MARCHF10: variants seen among roughly 807,000 people sequenced by gnomAD.
MARCHF10 encodes membrane associated ring-CH-type finger 10.
In MARCHF10, 64 loss-of-function variants were observed where a neutral mutation model predicts 76.2. That is an observed-to-expected ratio of 0.84 (90% CI 0.69 to 1.03). The LOEUF (loss-of-function observed/expected upper bound fraction) is 1.03, where lower values mean the gene tolerates loss of function less well. Ranked by LOEUF, MARCHF10 falls within the 50% of genes least tolerant of loss-of-function variation. The probability of loss-of-function intolerance (pLI) is 0.00; values close to 1 mark genes in which losing one functional copy is unlikely to be tolerated. For synonymous variants in MARCHF10, 340 were observed against 357.5 expected, an observed-to-expected ratio of 0.95 and a Z score of 0.55; for missense variants, 875 against 958.0, an observed-to-expected ratio of 0.91 and a Z score of 1.14.
intron 2 of MARCHF10, among the ~76,000 whole-genome samples, chr17:62,793,442 TCACCACCATCACCACCACCATCAC>T (rs796216511): frequency 5.5e-4 from 36 of 64,978 alleles, no homozygotes; most frequent in African/African-American, 2.3e-3. Flanking sequence ...ACCACAACCA[TCACCACCATCACCACCACCATCAC>T]CACCACCATC....
chr17:62,776,763 G>T (rs2092561564), intron 3 of MARCHF10, among the ~76,000 whole-genome samples: 2 of 152,106 alleles, frequency 1.3e-5, no homozygotes, highest in South Asian at 4.2e-4. Context: ...GTGAGTCCTG[G>T]GTCAACTTCA....
In MARCHF10 at chr17:62,712,573, G is replaced by A. The variant is rs1324817715; in HGVS notation, c.2215-1229C>T. Among the ~76,000 whole-genome samples the A allele has an allele frequency of 6.6e-6, 1 of 152,176 alleles. No individual in the cohort carries two copies. Among genetic ancestry groups the A allele is most frequent in the Non-Finnish European group, 1.5e-5 (1 of 68,036 alleles). ...GGATCTTGGTGACAGCCGGCCCTGA[G>A]ATCACTGCTGCAGGCCTCTCCACCA... On this transcript the variant is annotated intron_variant, in intron 8 of 10. Transcript: ENST00000311269. This position sits in a 1 kb window ranked among gnomAD's most constrained non-coding sequence, Gnocchi z 4.2.
chr17:62,775,512 G>GGGT (rs1237466351), intron 3 of MARCHF10, among the ~76,000 whole-genome samples: 1 of 151,826 alleles, frequency 6.6e-6, no homozygotes, highest in African/African-American at 2.4e-5. Context: ...CCACTCGGGG[G>GGGT]GGGGCGTGGC....
At chr17:62,757,559 A>G (rs2092081691) in intron 4 of MARCHF10, among the ~76,000 whole-genome samples, 1 of 152,192 alleles carries the variant, frequency 6.6e-6, no homozygotes, top group Non-Finnish European at 1.5e-5. Context: ...TACACATGTA[A>G]AATGGATGGA....
At chr17:62,793,062 T>TACCAACACCTCCATCACC (rs2092895187) in intron 2 of MARCHF10, among the ~76,000 whole-genome samples, 1 of 82,560 alleles carries the variant, frequency 1.2e-5, no homozygotes, top group East Asian at 4.4e-4. Flanking sequence ...CCTCCATCAC[T>TACCAACACCTCCATCACC]ACCAACACCT....
chr17:62,753,923 T>C (rs2091967846), intron 4 of MARCHF10, among the ~76,000 whole-genome samples: 1 of 152,152 alleles, frequency 6.6e-6, no homozygotes, highest in Non-Finnish European at 1.5e-5. Context: ...GAGCAGTGGA[T>C]GAGTACACCA....
At chr17:62,783,406 G>A (rs1172937871) in intron 3 of MARCHF10, among the ~76,000 whole-genome samples, 1 of 151,838 alleles carries the variant, frequency 6.6e-6, no homozygotes, top group Admixed American at 6.6e-5. Context: ...AGCACTAAAT[G>A]CCCACAAGAG....
At chr17:62,720,787 G>A (rs2090442198) in intron 8 of MARCHF10, among the ~76,000 whole-genome samples, 1 of 151,588 alleles carries the variant, frequency 6.6e-6, no homozygotes, top group Non-Finnish European at 1.5e-5. Flanking sequence ...ATTAATTACA[G>A]CTTAAGATTG....
rs145582801 is a variant in MARCHF10 at position 62,807,481 on chromosome 17, A to G, written c.-18+596T>C. ...ACCATCAAGCCCAGAAGAGAGGAGAAACTCAACGTGTAATTGGGAAACTCT... is the reference window on the plus strand; with the variant it reads ...ACCATCAAGCCCAGAAGAGAGGAGAGACTCAACGTGTAATTGGGAAACTCT... On this transcript the variant is annotated intron_variant, in intron 1 of 10. Transcript: ENST00000311269. Among the ~76,000 whole-genome samples the G allele has an allele frequency of 7.5e-4, 114 of 152,278 alleles. 2 individuals are homozygous for G. In the East Asian group the frequency reaches 0.021, roughly 29 times the overall value.
chr17:62,742,417 C>G (rs2091548079), intron 5 of MARCHF10, among the ~76,000 whole-genome samples: 1 of 152,202 alleles, frequency 6.6e-6, no homozygotes, highest in Non-Finnish European at 1.5e-5. Flanking sequence ...AACTCTTTCA[C>G]TGATACAATT....
In MARCHF10 at chr17:62,796,558, C is replaced by T. The variant is rs148320443; in HGVS notation, c.90+5088G>A. 1.8e-3 allele frequency among the ~76,000 whole-genome samples: 271 copies of T among 152,296 alleles called. 1 individual carries two copies. The highest frequency in any genetic ancestry group is 6.3e-3 in the African/African-American group (262 of 41,560). On this transcript the variant is annotated intron_variant, in intron 2 of 10. Transcript: ENST00000311269. ...AGTCACAAGTCAGCTGGCTCTAAGT[C>T]TGACAAGCTTAGTTGATAGCCAAGT... is the stretch of plus-strand genomic sequence containing the variant.
Position 62,738,522 on chromosome 17 carries a change from C to CT in MARCHF10, c.536-1191_536-1190insA, listed in dbSNP as rs1182938763. On this transcript the variant is annotated intron_variant, in intron 5 of 10. Transcript: ENST00000311269. The surrounding 1 kb of genome is among the most constrained non-coding windows in gnomAD (Gnocchi z 4.0). ...ATGAGATGCTGCTCTTTTTATCATT[C>CT]CATTTCTAAAGCGGTTCACCCTGTA... Among the ~76,000 whole-genome samples the CT allele has an allele frequency of 1.3e-5, 2 of 152,164 alleles. No individual in the cohort carries two copies. Among genetic ancestry groups the CT allele is most frequent in the African/African-American group, 4.8e-5 (2 of 41,424 alleles).
At chr17:62,779,630 A>G (rs1179587114) in intron 3 of MARCHF10, among the ~76,000 whole-genome samples, 1 of 152,252 alleles carries the variant, frequency 6.6e-6, no homozygotes, top group Non-Finnish European at 1.5e-5. Context: ...TAGGAGCCGC[A>G]GTATGCAAAG....
At chr17:62,708,220 T>C (rs2089705332) in intron 9 of MARCHF10, among the ~76,000 whole-genome samples, 1 of 151,706 alleles carries the variant, frequency 6.6e-6, no homozygotes, top group Non-Finnish European at 1.5e-5. Flanking sequence ...AACTCAGGAC[T>C]CGCCTCCTGG....
chr17:62,795,937 A>T (rs767649586), intron 2 of MARCHF10, among the ~76,000 whole-genome samples: 1 of 152,064 alleles, frequency 6.6e-6, no homozygotes, highest in Non-Finnish European at 1.5e-5. Flanking sequence ...CACCATAGCC[A>T]ATTATCTAAA....
chr17:62,726,688 A>G (rs1286705992), intron 6 of MARCHF10, among the ~76,000 whole-genome samples: 1 of 152,158 alleles, frequency 6.6e-6, no homozygotes, highest in African/African-American at 2.4e-5. Flanking sequence ...GCTGGAGTGC[A>G]GTGGCTCGAT....
At chr17:62,789,628 C>T (rs537960625) in intron 2 of MARCHF10, among the ~76,000 whole-genome samples, 1 of 152,304 alleles carries the variant, frequency 6.6e-6, no homozygotes, top group South Asian at 2.1e-4. Context: ...CAGCATCCAG[C>T]ATTTAATTTT....
At chr17:62,747,840 T>C (rs16946390) in intron 4 of MARCHF10, among the ~76,000 whole-genome samples, 145 of 152,312 alleles carry the variant, frequency 9.5e-4, no homozygotes, top group African/African-American at 3.3e-3. Context: ...AAATAGCAAC[T>C]CTTTATATTA....
intron 5 of MARCHF10, 187 bp from the exon 6 acceptor site, chr17:62,737,519 A>G: frequency 3.3e-6 from 2 of 608,770 alleles, no homozygotes; most frequent in South Asian, 4.2e-5. Flanking sequence ...ACTGCCCCGT[A>G]TTCTCCTTTG....
Sources: allele counts gnomAD v4.1 joint callset (sites outside exome capture counted in the v4.1 genomes callset), GRCh38; gene constraint gnomAD v4.1.1; non-coding constraint Gnocchi (gnomAD v3.1); transcripts MANE v1.5; gene names NCBI Gene and HGNC (gene_info 2026-07-23, HGNC 2026-07-21).